IPO8: variants seen among roughly 807,000 people sequenced by gnomAD.
The protein encoded by IPO8 is importin 8.
IPO8 carries 65 observed loss-of-function variants against 141.2 expected under a neutral mutation model. The ratio of observed to expected loss-of-function variants is 0.46; its 90% CI spans 0.38 to 0.57. IPO8 has a LOEUF of 0.57. Among genes scored for constraint, IPO8 ranks in the 20% least tolerant of loss-of-function variants. The pLI is 0.00. For missense variants in IPO8, 980 were observed against 1,246.8 expected (o/e 0.79, Z 3.22); for synonymous variants, 411 against 420.3 (o/e 0.98, Z 0.27).
intron 20 of IPO8, among the ~76,000 whole-genome samples, chr12:30,647,222 C>T (rs1011345030): frequency 5.3e-5 from 8 of 152,098 alleles, no homozygotes; most frequent in Non-Finnish European, 8.8e-5. Flanking sequence ...GTCTTTTCCA[C>T]AAATGGTGCT....
chr12:30,652,976 A>G lies in IPO8; in HGVS notation c.2065T>C (p.Tyr689His). Reference protein sequence around the residue: ...YEVFQQDCFEYFTDMMPLLHN... With the variant: ...YEVFQQDCFEHFTDMMPLLHN... Reference sequence around the variant, plus strand: ...ATGGTCAAAGCCATACCTGTAAAGTATTCAAAGCAATCCTGCTGAAACACT... The same window carrying G: ...ATGGTCAAAGCCATACCTGTAAAGTGTTCAAAGCAATCCTGCTGAAACACT... Residue 689 changes from tyrosine (Y) to histidine (H), a missense_variant, in exon 18 of 25, where the codon TAC becomes CAC. This residue lies in a region of IPO8 where 924 missense variants were observed against 1,153.9 expected (regional missense o/e 0.80). Transcript: ENST00000256079. 6.2e-7 allele frequency: 1 copy of G among 1,609,042 alleles called. No homozygotes were observed. The highest frequency in any genetic ancestry group is 8.5e-7 in the Non-Finnish European group (1 of 1,178,026).
intron 20 of IPO8, among the ~76,000 whole-genome samples, chr12:30,643,004 T>A (rs2052595320): frequency 6.6e-6 from 1 of 152,202 alleles, no homozygotes; most frequent in African/African-American, 2.4e-5. Flanking sequence ...ATTTTGCTGA[T>A]CATCTTTGGA....
rs575707617 is a variant in IPO8 at position 30,672,641 on chromosome 12, C to T, written c.909+1349G>A. On this transcript the variant is annotated intron_variant, in intron 8 of 24. Coordinates refer to ENST00000256079, the MANE Select transcript of IPO8 (RefSeq NM_006390.4). Reference sequence around the variant, plus strand: ...AAAAAACAATTGACTCACCACACTTCAAGTGGGAATTAACTTTAAGATACT... The same window carrying T: ...AAAAAACAATTGACTCACCACACTTTAAGTGGGAATTAACTTTAAGATACT... 5.3e-5 allele frequency among the ~76,000 whole-genome samples: 8 copies of T among 152,212 alleles called. No individual in the cohort carries two copies. In the South Asian group the frequency reaches 1.7e-3, roughly 32 times the overall value.
At chr12:30,642,235 G>C (rs970357122) in intron 20 of IPO8, among the ~76,000 whole-genome samples, 1 of 151,956 alleles carries the variant, frequency 6.6e-6, no homozygotes, top group Non-Finnish European at 1.5e-5. Flanking sequence ...GTGCATATTA[G>C]AGTATTAGAG....
Position 30,695,690 on chromosome 12 carries a change from G to C in IPO8, c.-43C>G. On this transcript the variant is annotated 5_prime_UTR_variant, in exon 1 of 25. Transcript: ENST00000256079. The surrounding 1 kb of genome is among the most constrained non-coding windows in gnomAD (Gnocchi z 4.2). ...CCGCGGCCCCCGGAACAGTAGGCCG[G>C]ACTGCAGCTTTAGTTTTCTTTTGAC... is the stretch of plus-strand genomic sequence containing the variant. 2 of 1,562,806 alleles carry C rather than the reference G, an allele frequency of 1.3e-6. No homozygotes were observed. Among genetic ancestry groups the C allele is most frequent in the South Asian group, 1.1e-5 (1 of 89,458 alleles).
intron 22 of IPO8, 97 bp downstream of exon 22, chr12:30,636,884 TA>T: frequency 3.0e-6 from 3 of 1,016,194 alleles, no homozygotes; most frequent in Non-Finnish European, 4.4e-6. Context: ...CCGAAGAATG[TA>T]AATCTGTTTA....
At position 30,630,043 on chromosome 12, in the gene IPO8, G is replaced by A. The variant is rs1295276803; in HGVS notation, c.*817C>T. The A allele has an allele frequency of 6.6e-6, 1 of 152,098 alleles. No homozygotes were observed. Among genetic ancestry groups the A allele is most frequent in the Non-Finnish European group, 1.5e-5 (1 of 68,014 alleles). The allele number at this position is 152,098 out of a possible 1,614,324, so 9.4% of individuals were successfully genotyped here. On this transcript the variant is annotated 3_prime_UTR_variant, in exon 25 of 25. Transcript: ENST00000256079. ...AATTACATTATTCAGAATATACTCAGACTTACTGTTAACTCCAGTGACTAA... is the reference window on the plus strand; with the variant it reads ...AATTACATTATTCAGAATATACTCAAACTTACTGTTAACTCCAGTGACTAA...
intron 22 of IPO8, 74 bp downstream of exon 22, chr12:30,636,908 A>T: frequency 8.4e-7 from 1 of 1,196,316 alleles, no homozygotes; most frequent in Non-Finnish European, 1.2e-6. Context: ...GTCTCCATAT[A>T]GACTAGTATT....
rs1394097389 is a variant in IPO8, at chr12:30,671,043, A to T, written c.963T>A (p.Arg321=). ...GATAGTTGAATGCTTGCTGAAGAAC[A>T]CGGGGAGCTACATATTCTTTCTGTC... ...QYRQKEYVAP[R]VLQQAFNYLN... is the part of the protein sequence containing the mutation. Residue 321 remains arginine, a synonymous_variant, in exon 9 of 25, where the codon CGT becomes CGA. Transcript: ENST00000256079. The T allele has an allele frequency of 2.1e-5, 34 of 1,609,818 alleles. No individual in the cohort carries two copies. In the Admixed American group the frequency reaches 5.7e-4, roughly 27 times the overall value.
At chr12:30,657,711 A>ACCC (rs2052820410) in intron 16 of IPO8, among the ~76,000 whole-genome samples, 1 of 152,222 alleles carries the variant, frequency 6.6e-6, no homozygotes, top group Non-Finnish European at 1.5e-5. Flanking sequence ...CATACAAGGG[A>ACCC]ATATTAAGCA....
At chr12:30,635,175 T>C (rs1043422941) in intron 22 of IPO8, among the ~76,000 whole-genome samples, 6 of 152,032 alleles carry the variant, frequency 3.9e-5, no homozygotes, top group African/African-American at 1.2e-4. Flanking sequence ...GGTGGGAATA[T>C]GGGAATGTTG....
intron 15 of IPO8, 30 bp from the exon 16 acceptor site, chr12:30,661,296 A>T (rs759653472): frequency 6.4e-7 from 1 of 1,560,584 alleles, no homozygotes; most frequent in Non-Finnish European, 8.6e-7. Flanking sequence ...GTATTCCGCA[A>T]TTAGTAGTAC....
rs1485932347 is a variant in IPO8 at position 30,634,290 on chromosome 12, T to C, written c.2696-4A>G. Reference sequence around the variant, plus strand: ...TCTTCATCACTTGAAATCTCCTCTGTGAACCCATTAATTATTTAAAAGGAA... The same window carrying C: ...TCTTCATCACTTGAAATCTCCTCTGCGAACCCATTAATTATTTAAAAGGAA... On this transcript the variant is annotated splice_polypyrimidine_tract_variant and splice_region_variant and intron_variant, in intron 22 of 24. Coordinates refer to ENST00000256079, the MANE Select transcript of IPO8 (RefSeq NM_006390.4). 1.2e-6 allele frequency: 2 copies of C among 1,610,566 alleles called. No homozygotes were observed. The highest frequency in any genetic ancestry group is 2.7e-5 in the African/African-American group (2 of 74,822).
At chr12:30,661,351 C>T in intron 15 of IPO8, 85 bp from the exon 16 acceptor site, 1 of 1,304,066 alleles carries the variant, frequency 7.7e-7, no homozygotes, top group South Asian at 1.7e-5. Flanking sequence ...GGCAGTGTCA[C>T]ACATCTGAAG....
At position 30,690,531 on chromosome 12, in the gene IPO8, A is replaced by C. The variant is rs1266017460; in HGVS notation, c.131T>G (p.Val44Gly). ...TACTGGGAATTCCACATGGTCAGAGACTATAATCCGAAGTAAACTGGGGGC... is the reference window on the plus strand; with the variant it reads ...TACTGGGAATTCCACATGGTCAGAGCCTATAATCCGAAGTAAACTGGGGGC... ...NFAPSLLRII[V>G]SDHVEFPVRQ... is the part of the protein sequence containing the mutation. The change falls in exon 2 of 25, where the codon GTC becomes GGC. Residue 44 changes from valine to glycine, a missense_variant. Coordinates refer to ENST00000256079, the MANE Select transcript of IPO8 (RefSeq NM_006390.4). 1 of 1,597,710 alleles carries C rather than the reference A, an allele frequency of 6.3e-7. No homozygotes were observed. Among genetic ancestry groups the C allele is most frequent in the Non-Finnish European group, 8.5e-7 (1 of 1,173,314 alleles).
At chr12:30,657,034 C>A in intron 16 of IPO8, among the ~76,000 whole-genome samples, 2 of 150,366 alleles carry the variant, frequency 1.3e-5, no homozygotes, top group Admixed American at 6.6e-5. Context: ...AGAAATAAAC[C>A]ATAAAAAAAT....
rs761939373 is a variant in IPO8 at position 30,630,921 on chromosome 12, G to C, written c.3053C>G (p.Thr1018Ser). 8.7e-6 allele frequency: 14 copies of C among 1,613,658 alleles called. No homozygotes were observed. In the South Asian group the frequency reaches 1.3e-4, roughly 15 times the overall value. ...KKKIEQQGGFTFENKGVLSAF... is the reference protein window; with the variant it reads ...KKKIEQQGGFSFENKGVLSAF... Reference sequence around the variant, plus strand: ...GGAGAGGACTCCTTTGTTTTCAAAGGTGAAGCCTCCCTGTTGTTCAATCTT... The same window carrying C: ...GGAGAGGACTCCTTTGTTTTCAAAGCTGAAGCCTCCCTGTTGTTCAATCTT... Residue 1018 changes from threonine to serine, a missense_variant, in exon 25 of 25, where the codon ACC becomes AGC. By Grantham distance (58) the Thr-to-Ser change is moderately conservative (BLOSUM62 1). Around this residue, in one of 3 missense-constraint regions of IPO8, gnomAD observed 924 missense variants for 1,153.9 expected, o/e 0.80. Transcript: ENST00000256079.
chr12:30,638,156 A>G (rs761548932), intron 21 of IPO8, among the ~76,000 whole-genome samples: 1 of 152,118 alleles, frequency 6.6e-6, no homozygotes, highest in Non-Finnish European at 1.5e-5. Flanking sequence ...AAGGACTCCC[A>G]GTCTACACAA....
chr12:30,695,689 G>A lies in IPO8; in HGVS notation c.-42C>T, dbSNP rs759610107. 3.8e-6 allele frequency: 6 copies of A among 1,564,648 alleles called. No homozygotes were observed. The highest frequency in any genetic ancestry group is 2.3e-5 in the East Asian group (1 of 43,982). On this transcript the variant is annotated 5_prime_UTR_variant, in exon 1 of 25. Coordinates refer to ENST00000256079, the MANE Select transcript of IPO8 (RefSeq NM_006390.4). The surrounding 1 kb of genome is among the most constrained non-coding windows in gnomAD (Gnocchi z 4.2). ...TCCGCGGCCCCCGGAACAGTAGGCC[G>A]GACTGCAGCTTTAGTTTTCTTTTGA...
Sources: gnomAD v4.1 joint callset for allele counts (sites outside exome capture counted in the v4.1 genomes callset) on GRCh38, gnomAD v4.1.1 for gene constraint, gnomAD v4.1.1 regional missense constraint, Gnocchi (gnomAD v3.1) non-coding constraint, MANE v1.5 for transcripts, NCBI Gene and HGNC (gene_info 2026-07-23, HGNC 2026-07-21) for gene names.